The following TSPAN12 variants were observed in gnomAD, a reference collection of about 807,000 sequenced individuals.
TSPAN12 encodes the protein tetraspanin 12, also known as tetraspanin-12.
Under a neutral mutation model 39.2 loss-of-function variants are expected in TSPAN12, and 19 were observed. The observed-to-expected ratio is 0.49, with a 90% confidence interval of 0.34 to 0.71. TSPAN12 has a LOEUF of 0.71. Ranked by LOEUF, TSPAN12 falls within the 30% of genes least tolerant of loss-of-function variation. The pLI is 0.01. For missense variants in TSPAN12, 314 were observed against 359.9 expected (o/e 0.87, Z 1.03); for synonymous variants, 119 against 124.8 (o/e 0.95, Z 0.31).
intron 4 of TSPAN12, among the ~76,000 whole-genome samples, chr7:120,834,762 T>C (rs1294426033): frequency 6.6e-6 from 1 of 152,134 alleles, no homozygotes; most frequent in Non-Finnish European, 1.5e-5. Context: ...AATATTTACA[T>C]CCAAAATAAA....
intron 7 of TSPAN12, among the ~76,000 whole-genome samples, chr7:120,804,538 T>C (rs1023681741): frequency 5.3e-5 from 8 of 152,160 alleles, no homozygotes; most frequent in African/African-American, 1.9e-4. Context: ...AAAGTATGTA[T>C]AAAACAATAA....
intron 4 of TSPAN12, among the ~76,000 whole-genome samples, chr7:120,831,780 G>A (rs186772066): frequency 8.5e-5 from 13 of 152,072 alleles, no homozygotes; most frequent in African/African-American, 3.1e-4. Flanking sequence ...ATAATGATAA[G>A]TTGTATATTT....
At chr7:120,840,002 T>C (rs1164353325) in intron 3 of TSPAN12, 25 bp downstream of exon 3, 1 of 1,559,274 alleles carries the variant, frequency 6.4e-7, no homozygotes, top group African/African-American at 1.4e-5. Context: ...CAAGAAAGAA[T>C]TCAATCAATA....
chr7:120,802,467 C>T (rs1793792830), intron 7 of TSPAN12, among the ~76,000 whole-genome samples: 1 of 152,154 alleles, frequency 6.6e-6, no homozygotes, highest in Non-Finnish European at 1.5e-5. Flanking sequence ...TGTTCAGAGT[C>T]TTCAAAGTGC....
At chr7:120,854,837 T>C (rs1349892340) in intron 2 of TSPAN12, among the ~76,000 whole-genome samples, 1 of 152,110 alleles carries the variant, frequency 6.6e-6, no homozygotes, top group Non-Finnish European at 1.5e-5. Flanking sequence ...TGTTGAAGCG[T>C]AGGTGATATT....
intron 4 of TSPAN12, among the ~76,000 whole-genome samples, chr7:120,826,523 CA>C (rs1794290008): frequency 6.6e-6 from 1 of 152,112 alleles, no homozygotes. Flanking sequence ...GAATGTGAGA[CA>C]GGGGTCCCCA....
intron 2 of TSPAN12, among the ~76,000 whole-genome samples, chr7:120,847,276 C>T (rs1794688727): frequency 6.7e-6 from 1 of 149,480 alleles, no homozygotes; most frequent in African/African-American, 2.5e-5. Context: ...CTCTCATATA[C>T]ATAACCTATA....
At chr7:120,830,387 G>T (rs1400075925) in intron 4 of TSPAN12, among the ~76,000 whole-genome samples, 1 of 152,016 alleles carries the variant, frequency 6.6e-6, no homozygotes. Context: ...CACACTACCT[G>T]ATTTCAAAAT....
At chr7:120,836,746 T>C (rs1794484407) in intron 4 of TSPAN12, among the ~76,000 whole-genome samples, 1 of 152,216 alleles carries the variant, frequency 6.6e-6, no homozygotes, top group Admixed American at 6.5e-5. Flanking sequence ...TTTTGCATTA[T>C]AATGCTCTTG....
chr7:120,804,116 T>C (rs1286004577), intron 7 of TSPAN12, among the ~76,000 whole-genome samples: 1 of 152,106 alleles, frequency 6.6e-6, no homozygotes, highest in Non-Finnish European at 1.5e-5. Flanking sequence ...TAATTGTCCA[T>C]ATTGACTCGC....
At chr7:120,805,528 A>G (rs1174099328) in intron 7 of TSPAN12, among the ~76,000 whole-genome samples, 1 of 152,134 alleles carries the variant, frequency 6.6e-6, no homozygotes, top group Admixed American at 6.6e-5. Flanking sequence ...TATATTATGA[A>G]TAGTGTGAGC....
chr7:120,824,428 G>A (rs536042388), intron 4 of TSPAN12, among the ~76,000 whole-genome samples: 67 of 151,774 alleles, frequency 4.4e-4, no homozygotes, highest in Middle Eastern at 3.4e-3. Flanking sequence ...GTGATAGAGC[G>A]AGACTCCATT....
At chr7:120,814,287 C>G (rs188375177) in intron 5 of TSPAN12, 63 of 456,288 alleles carry the variant, frequency 1.4e-4, no homozygotes, top group African/African-American at 1.1e-3. Context: ...CTTCTGGAGA[C>G]TTACTACACT....
intron 2 of TSPAN12, among the ~76,000 whole-genome samples, chr7:120,845,409 G>A (rs1358165575): frequency 1.3e-5 from 2 of 152,222 alleles, no homozygotes; most frequent in Non-Finnish European, 2.9e-5. Context: ...ACATGGTCAA[G>A]CTGCAAATTT....
At chr7:120,812,648 A>AT (rs548533686) in intron 5 of TSPAN12, among the ~76,000 whole-genome samples, 4 of 151,944 alleles carry the variant, frequency 2.6e-5, no homozygotes, top group African/African-American at 9.7e-5. Flanking sequence ...TTGGGCACAC[A>AT]TTTTTTTCCC....
chr7:120,824,537 C>T (rs916175237), intron 4 of TSPAN12, among the ~76,000 whole-genome samples: 1 of 152,008 alleles, frequency 6.6e-6, no homozygotes, highest in Non-Finnish European at 1.5e-5. Context: ...AATCATAGAA[C>T]CTAGAATTCT....
At chr7:120,853,493 T>TATACACAC (rs10639551) in intron 2 of TSPAN12, among the ~76,000 whole-genome samples, 1 of 145,918 alleles carries the variant, frequency 6.9e-6, no homozygotes, top group African/African-American at 2.5e-5. Context: ...TATATATATA[T>TATACACAC]ACACACACAT....
At chr7:120,851,965 A>G (rs543148304) in intron 2 of TSPAN12, among the ~76,000 whole-genome samples, 1 of 152,332 alleles carries the variant, frequency 6.6e-6, no homozygotes, top group Admixed American at 6.5e-5. Context: ...TCCATACAAT[A>G]AAGAGAATGC....
intron 7 of TSPAN12, among the ~76,000 whole-genome samples, chr7:120,794,723 T>C (rs1407487738): frequency 1.2e-4 from 18 of 152,190 alleles, no homozygotes; most frequent in African/African-American, 2.4e-4. Flanking sequence ...TTTTCACAAG[T>C]ACTTAAATTT....
Sources: allele counts gnomAD v4.1 joint callset (sites outside exome capture counted in the v4.1 genomes callset), GRCh38; gene constraint gnomAD v4.1.1; transcripts MANE v1.5; gene names NCBI Gene and HGNC (gene_info 2026-07-23, HGNC 2026-07-21).